The following ADAMTS6 variants were observed in gnomAD, a reference collection of about 807,000 sequenced individuals.
ADAMTS6 encodes the protein A disintegrin and metalloproteinase with thrombospondin motifs 6.
Under a neutral mutation model 144.3 loss-of-function variants are expected in ADAMTS6, and 23 were observed. That is an observed-to-expected ratio of 0.16 (90% CI 0.11 to 0.23). ADAMTS6 has a LOEUF of 0.23. Ranked by LOEUF, ADAMTS6 falls within the 10% of genes least tolerant of loss-of-function variation. The pLI, the probability that ADAMTS6 is intolerant of heterozygous loss-of-function variation, is 1.00. For missense variants in ADAMTS6, 999 were observed against 1,379.6 expected (o/e 0.72, Z 4.37); for synonymous variants, 444 against 457.5 (o/e 0.97, Z 0.38).
intron 7 of ADAMTS6, among the ~76,000 whole-genome samples, chr5:65,448,046 T>C (rs1051331831): frequency 6.7e-6 from 1 of 150,370 alleles, no homozygotes. Context: ...GTGATAACAG[T>C]TATTCATTAT....
chr5:65,357,599 C>T (rs1444773688), intron 7 of ADAMTS6, among the ~76,000 whole-genome samples: 2 of 150,958 alleles, frequency 1.3e-5, no homozygotes, highest in Non-Finnish European at 3.0e-5. Context: ...TTGAATAAAT[C>T]GTTAGCTAGA....
At chr5:65,159,243 C>T (rs1202404448) in intron 24 of ADAMTS6, among the ~76,000 whole-genome samples, 1 of 152,150 alleles carries the variant, frequency 6.6e-6, no homozygotes, top group African/African-American at 2.4e-5. Context: ...TAGAAAAATT[C>T]TTTCTCATTC....
At chr5:65,352,803 C>T (rs1174949144) in intron 7 of ADAMTS6, among the ~76,000 whole-genome samples, 2 of 151,960 alleles carry the variant, frequency 1.3e-5, no homozygotes, top group Non-Finnish European at 2.9e-5. Context: ...CACTGCCATC[C>T]TCAGTTGAAA....
intron 7 of ADAMTS6, among the ~76,000 whole-genome samples, chr5:65,423,484 A>G (rs1007644793): frequency 6.6e-6 from 1 of 152,186 alleles, no homozygotes; most frequent in Non-Finnish European, 1.5e-5. Flanking sequence ...GTAGATGGTA[A>G]CTTACTTAAT....
chr5:65,309,411 G>A (rs1478962930), intron 9 of ADAMTS6, among the ~76,000 whole-genome samples: 1 of 132,422 alleles, frequency 7.6e-6, no homozygotes, highest in Non-Finnish European at 1.6e-5. Flanking sequence ...TGTAATCCCT[G>A]TTGATCTGAC....
chr5:65,223,385 T>C (rs952819908), intron 18 of ADAMTS6, among the ~76,000 whole-genome samples: 1 of 152,248 alleles, frequency 6.6e-6, no homozygotes, highest in African/African-American at 2.4e-5. Context: ...AAGTATACGA[T>C]ACATTTTATT....
At chr5:65,407,299 C>G in intron 7 of ADAMTS6, among the ~76,000 whole-genome samples, 1 of 151,240 alleles carries the variant, frequency 6.6e-6, no homozygotes, top group Non-Finnish European at 1.5e-5. Context: ...GGCAGAAACT[C>G]TAAAAGCCAG....
At chr5:65,387,910 T>C (rs1293417134) in intron 7 of ADAMTS6, among the ~76,000 whole-genome samples, 1 of 152,048 alleles carries the variant, frequency 6.6e-6, no homozygotes, top group Admixed American at 6.6e-5. Flanking sequence ...AATAAACAAA[T>C]AATAGAATTT....
At chr5:65,198,143 A>T (rs1755507709) in intron 20 of ADAMTS6, among the ~76,000 whole-genome samples, 1 of 152,176 alleles carries the variant, frequency 6.6e-6, no homozygotes, top group Admixed American at 6.5e-5. Context: ...TATAGCGGTA[A>T]CAGGTTACTC....
intron 14 of ADAMTS6, among the ~76,000 whole-genome samples, chr5:65,257,879 G>A (rs1760824864): frequency 6.6e-6 from 1 of 152,102 alleles, no homozygotes; most frequent in Non-Finnish European, 1.5e-5. Flanking sequence ...TATTATAATT[G>A]TCTGTACCTA....
intron 1 of ADAMTS6, among the ~76,000 whole-genome samples, chr5:65,477,328 A>G (rs1436553654): frequency 6.6e-6 from 1 of 152,248 alleles, no homozygotes; most frequent in East Asian, 1.9e-4. Flanking sequence ...CATTTGAGTT[A>G]ATTTTCTAGC....
At chr5:65,215,232 A>T (rs1458914706) in intron 19 of ADAMTS6, 92 bp downstream of exon 19, 9 of 1,373,362 alleles carry the variant, frequency 6.6e-6, no homozygotes, top group Non-Finnish European at 9.0e-6. Context: ...TAATTTCATC[A>T]CCTGTAAAGC....
At chr5:65,398,098 T>C (rs1753508902) in intron 7 of ADAMTS6, among the ~76,000 whole-genome samples, 1 of 152,172 alleles carries the variant, frequency 6.6e-6, no homozygotes. Flanking sequence ...ATATATATTC[T>C]GCTGTTATTG....
intron 7 of ADAMTS6, among the ~76,000 whole-genome samples, chr5:65,352,826 C>T (rs1322770993): frequency 6.6e-6 from 1 of 151,840 alleles, no homozygotes; most frequent in Non-Finnish European, 1.5e-5. Context: ...TACTACATTT[C>T]AAATAAACAT....
chr5:65,328,843 C>T (rs918821587), intron 9 of ADAMTS6, among the ~76,000 whole-genome samples: 1 of 151,614 alleles, frequency 6.6e-6, no homozygotes, highest in Non-Finnish European at 1.5e-5. Flanking sequence ...ACATTAAAAC[C>T]TTCAGGTCCT....
chr5:65,288,604 C>T (rs1580304305), intron 11 of ADAMTS6, among the ~76,000 whole-genome samples: 1 of 152,298 alleles, frequency 6.6e-6, no homozygotes, highest in East Asian at 1.9e-4. Context: ...AGGCGTGAGC[C>T]ACCACACCTG....
chr5:65,172,616 A>T (rs1052046898), intron 23 of ADAMTS6, among the ~76,000 whole-genome samples: 5 of 152,224 alleles, frequency 3.3e-5, no homozygotes, highest in Middle Eastern at 3.4e-3. Flanking sequence ...CTGAAGTGGG[A>T]AGTGTGTGGG....
intron 24 of ADAMTS6, among the ~76,000 whole-genome samples, chr5:65,156,164 T>C (rs918947468): frequency 6.6e-6 from 1 of 152,204 alleles, no homozygotes; most frequent in African/African-American, 2.4e-5. Context: ...GCTGTGCTCA[T>C]TGCAATTATG....
intron 21 of ADAMTS6, among the ~76,000 whole-genome samples, chr5:65,196,304 A>C (rs1354271265): frequency 6.6e-6 from 1 of 152,104 alleles, no homozygotes; most frequent in Non-Finnish European, 1.5e-5. Context: ...TGGGAGGCCG[A>C]GGCGGGCGGA....
Sources: gnomAD v4.1 joint callset for allele counts (sites outside exome capture counted in the v4.1 genomes callset) on GRCh38, gnomAD v4.1.1 for gene constraint, MANE v1.5 for transcripts, NCBI Gene and HGNC (gene_info 2026-07-23, HGNC 2026-07-21) for gene names.